The following ZMAT4 variants were observed in gnomAD, a reference collection of about 807,000 sequenced individuals.
ZMAT4 encodes zinc finger matrin-type protein 4.
ZMAT4 carries 17 observed loss-of-function variants against 28.7 expected under a neutral mutation model. The observed-to-expected ratio is 0.59, with a 90% CI of 0.41 to 0.89. The LOEUF is 0.89. Among genes scored for constraint, ZMAT4 ranks in the 40% least tolerant of loss-of-function variants. The pLI, the probability that ZMAT4 is intolerant of heterozygous loss-of-function variation, is 0.00. For synonymous variants in ZMAT4, 117 were observed against 109.2 expected (o/e 1.07, Z -0.44); for missense variants, 240 against 283.8 (o/e 0.85, Z 1.11).
chr8:40,570,427 A>T (rs956512862), intron 6 of ZMAT4, among the ~76,000 whole-genome samples: 3 of 152,192 alleles, frequency 2.0e-5, no homozygotes, highest in African/African-American at 7.2e-5. Context: ...GGCCACGTGC[A>T]GTGGCTCATG....
intron 5 of ZMAT4, among the ~76,000 whole-genome samples, chr8:40,590,329 G>C (rs1388833709): frequency 6.6e-6 from 1 of 151,548 alleles, no homozygotes; most frequent in African/African-American, 2.4e-5. Flanking sequence ...ACCATATCTG[G>C]CCTAAATACT....
At chr8:40,585,196 G>A (rs1401570126) in intron 5 of ZMAT4, among the ~76,000 whole-genome samples, 2 of 152,094 alleles carry the variant, frequency 1.3e-5, no homozygotes, top group African/African-American at 4.8e-5. Context: ...GTTCAATTAA[G>A]AGTCCATTTA....
chr8:40,661,755 TAC>T (rs1245247003), intron 5 of ZMAT4, among the ~76,000 whole-genome samples: 1 of 152,214 alleles, frequency 6.6e-6, no homozygotes, highest in African/African-American at 2.4e-5. Flanking sequence ...GCATAATGGA[TAC>T]GTCTTCCTAG....
intron 2 of ZMAT4, among the ~76,000 whole-genome samples, chr8:40,794,552 C>G (rs1814502867): frequency 6.6e-6 from 1 of 152,172 alleles, no homozygotes; most frequent in South Asian, 2.1e-4. Flanking sequence ...GCCTCCCTGT[C>G]TTAGGGATGG....
chr8:40,611,678 T>C (rs190623155), intron 5 of ZMAT4, among the ~76,000 whole-genome samples: 2 of 152,278 alleles, frequency 1.3e-5, no homozygotes, highest in African/African-American at 4.8e-5. Context: ...GTGCATGTAA[T>C]CACATTTAGA....
chr8:40,601,442 A>AAGGAAGGAAGGG (rs1805309055), intron 5 of ZMAT4, among the ~76,000 whole-genome samples: 2 of 113,738 alleles, frequency 1.8e-5, no homozygotes, highest in Admixed American at 1.0e-4. Context: ...GGAAGGAAGG[A>AAGGAAGGAAGGG]AGGAAGGAAG....
intron 6 of ZMAT4, among the ~76,000 whole-genome samples, chr8:40,547,914 G>C (rs888790125): frequency 1.3e-5 from 2 of 152,220 alleles, no homozygotes; most frequent in African/African-American, 2.4e-5. Context: ...GAAGTGTTAT[G>C]AAGGATGCGG....
chr8:40,843,904 T>C (rs1160495202), intron 1 of ZMAT4, among the ~76,000 whole-genome samples: 48 of 152,156 alleles, frequency 3.2e-4, no homozygotes, highest in Non-Finnish European at 2.9e-5. Context: ...AGCAAGAAAG[T>C]GCACACATTT....
intron 3 of ZMAT4, among the ~76,000 whole-genome samples, chr8:40,699,596 G>GCACACA (rs10681965): frequency 0.081 from 12,127 of 149,564 alleles, 555 homozygotes; most frequent in Non-Finnish European, 0.1. Context: ...AAATGTAAAT[G>GCACACA]CACACACACA....
At chr8:40,879,929 AC>A (rs145540286) in intron 1 of ZMAT4, among the ~76,000 whole-genome samples, 21,253 of 152,216 alleles carry the variant, frequency 0.14, 1,654 homozygotes, top group Middle Eastern at 0.22. Flanking sequence ...GAACTAGTTT[AC>A]TTAACTAGTT....
At chr8:40,651,775 C>G (rs1178249319) in intron 5 of ZMAT4, among the ~76,000 whole-genome samples, 3 of 148,132 alleles carry the variant, frequency 2.0e-5, no homozygotes, top group Non-Finnish European at 4.5e-5. Context: ...AGAAATAACG[C>G]CGCATATCTA....
rs976532461 is a variant in ZMAT4 at position 40,743,483 on chromosome 8, G to A, written c.192+24158C>T. ...GCAAGGGACGTTCTGCACTGACAGA[G>A]GTCTGGCTAAAACCCAGGGGCTGTT... On this transcript the variant is annotated intron_variant, in intron 3 of 6. Coordinates refer to ENST00000297737, the MANE Select transcript of ZMAT4 (RefSeq NM_024645.3). Among the ~76,000 whole-genome samples the A allele has an allele frequency of 2.0e-5, 3 of 152,182 alleles. No individual in the cohort carries two copies. The East Asian group carries it at 5.8e-4, about 29-fold the overall frequency.
At chr8:40,874,055 C>T (rs1194610563) in intron 1 of ZMAT4, among the ~76,000 whole-genome samples, 1 of 152,172 alleles carries the variant, frequency 6.6e-6, no homozygotes, top group Non-Finnish European at 1.5e-5. Flanking sequence ...GTCCTTTCCG[C>T]CAGGAACACA....
rs146091449 is a variant in ZMAT4 at position 40,629,396 on chromosome 8, G to GTT, written c.577+45306_577+45307dup. Among the ~76,000 whole-genome samples the GTT allele has an allele frequency of 1.9e-4, 28 of 147,002 alleles. No individual in the cohort carries two copies. In the Middle Eastern group the frequency reaches 0.01, roughly 55 times the overall value. On this transcript the variant is annotated intron_variant, in intron 5 of 6. Transcript: ENST00000297737. ...TTTTTTTGACTTTGCCTGCAATGGA[G>GTT]TTTTTTTTTTAATTTTATTATTATT...
intron 5 of ZMAT4, among the ~76,000 whole-genome samples, chr8:40,621,901 A>G (rs1668437670): frequency 6.6e-6 from 1 of 152,202 alleles, no homozygotes; most frequent in South Asian, 2.1e-4. Flanking sequence ...TGGTTTTCCT[A>G]TTTCAGTTGT....
rs1438260352 is a variant in ZMAT4 at position 40,574,337 on chromosome 8, T to C, written c.674+6828A>G. 2.0e-5 allele frequency among the ~76,000 whole-genome samples: 3 copies of C among 152,084 alleles called. No homozygotes were observed. The East Asian group carries it at 5.8e-4, about 29-fold the overall frequency. On this transcript the variant is annotated intron_variant, in intron 6 of 6. Transcript: ENST00000297737. ...ATACAAAGGGCCAAATGAATGGAAA[T>C]AAATTTTTAAAATTTATATTTGTAA... is the stretch of plus-strand genomic sequence containing the variant.
chr8:40,746,985 C>T (rs541164811), intron 3 of ZMAT4, among the ~76,000 whole-genome samples: 17 of 152,252 alleles, frequency 1.1e-4, no homozygotes, highest in African/African-American at 3.9e-4. Flanking sequence ...TGATCTCTCC[C>T]CACGTGCTCT....
At chr8:40,825,776 T>C in intron 1 of ZMAT4, 96 bp from the exon 2 acceptor site, 1 of 955,518 alleles carries the variant, frequency 1.0e-6, no homozygotes, top group Non-Finnish European at 1.6e-6. Context: ...CAGTAACAGG[T>C]CTGACAATGG....
intron 3 of ZMAT4, among the ~76,000 whole-genome samples, chr8:40,754,793 G>A (rs114978284): frequency 1.5e-3 from 231 of 152,236 alleles, no homozygotes; most frequent in African/African-American, 5.3e-3. Flanking sequence ...GGGAAGAATC[G>A]TTTGAGGCCA....
Sources: allele counts gnomAD v4.1 joint callset (sites outside exome capture counted in the v4.1 genomes callset), GRCh38; gene constraint gnomAD v4.1.1; transcripts MANE v1.5; gene names NCBI Gene and HGNC (gene_info 2026-07-23, HGNC 2026-07-21).